Variants in CEP63 observed in about 807,000 individuals in gnomAD.
The protein encoded by CEP63 is centrosomal protein of 63 kDa.
Under a neutral mutation model 89.1 loss-of-function variants are expected in CEP63, and 84 were observed. The observed-to-expected ratio is 0.94, with a 90% CI of 0.79 to 1.13. The LOEUF (loss-of-function observed/expected upper bound fraction) is 1.13, where lower values mean the gene tolerates loss of function less well. Among genes scored for constraint, CEP63 ranks in the 50% most tolerant of loss-of-function variants. The pLI is 0.00. For missense variants in CEP63, 838 were observed against 813.3 expected (o/e 1.03, Z -0.37); for synonymous variants, 267 against 272.5 (o/e 0.98, Z 0.20).
chr3:134,567,152 CAA>C (rs57656773), downstream of CEP63, among the ~76,000 whole-genome samples: 1 of 141,408 alleles, frequency 7.1e-6, no homozygotes. Context: ...AGGAAGAAAG[CAA>C]AAAAAAAAAA....
chr3:134,619,128 G>A, the CEP63 span: 1 of 1,590,544 alleles, frequency 6.3e-7, no homozygotes, highest in Non-Finnish European at 8.6e-7. Context: ...GGTCAGCATG[G>A]GGACTCCTGT....
the CEP63 span, among the ~76,000 whole-genome samples, chr3:134,642,103 G>A: frequency 1.2e-4 from 18 of 152,254 alleles, no homozygotes; most frequent in African/African-American, 4.3e-4. Flanking sequence ...TGGCTTAAAG[G>A]GACACTGGCC....
At position 134,563,209 on chromosome 3, in the gene CEP63, C is replaced by G. The variant is rs559607867; in HGVS notation, c.*1674C>G. The G allele has an allele frequency of 7.2e-5, 11 of 152,416 alleles. No individual in the cohort carries two copies. Among genetic ancestry groups the G allele is most frequent in the African/African-American group, 2.4e-4 (10 of 41,550 alleles). The allele number at this position is 152,416 out of a possible 1,614,324, so 9.4% of individuals were successfully genotyped here. On this transcript the variant is annotated 3_prime_UTR_variant, in exon 15 of 15. Transcript: ENST00000675561. ...TATCCAGTCATTTGGGAGGTCCTGT[C>G]ATTTCTTCCCCCAGAATCTTATCTC... is the stretch of plus-strand genomic sequence containing the variant.
chr3:134,631,658 T>C, the CEP63 span, among the ~76,000 whole-genome samples: 3 of 152,140 alleles, frequency 2.0e-5, no homozygotes, highest in Non-Finnish European at 4.4e-5. Context: ...ATATTCATTG[T>C]AATAGATTAT....
At chr3:134,504,706 G>GC (rs75251468) in intron 2 of CEP63, among the ~76,000 whole-genome samples, 101,014 of 151,564 alleles carry the variant, frequency 0.67, 34,023 homozygotes, top group East Asian at 0.82. Context: ...CTGTACCTAT[G>GC]CCATCTTTTC....
chr3:134,526,194 A>C (rs1948609451), intron 3 of CEP63, among the ~76,000 whole-genome samples: 1 of 151,878 alleles, frequency 6.6e-6, no homozygotes, highest in Non-Finnish European at 1.5e-5. Flanking sequence ...TCAAGCTCTG[A>C]GATTCTTTCC....
At chr3:134,501,763 A>G (rs1942063040) in intron 2 of CEP63, among the ~76,000 whole-genome samples, 1 of 152,216 alleles carries the variant, frequency 6.6e-6, no homozygotes, top group Non-Finnish European at 1.5e-5. Flanking sequence ...AAAGAATCAT[A>G]TCATCAGCAA....
the CEP63 span, among the ~76,000 whole-genome samples, chr3:134,769,680 C>G: frequency 4.9e-4 from 75 of 152,320 alleles, no homozygotes; most frequent in African/African-American, 1.8e-3. Flanking sequence ...ATTGGAGTAA[C>G]CCCAAGGCCT....
chr3:134,744,364 A>G, the CEP63 span, among the ~76,000 whole-genome samples: 1 of 152,186 alleles, frequency 6.6e-6, no homozygotes, highest in Non-Finnish European at 1.5e-5. Context: ...ACACCTTTAG[A>G]TTCTCAGAAG....
chr3:134,561,750 A>G lies in CEP63; in HGVS notation c.*215A>G. ...CTTCTTCCAGCAATAAGTTGAAAGA[A>G]TAAACCACTTTGCTAGACTTTTTTC... On this transcript the variant is annotated 3_prime_UTR_variant, in exon 15 of 15. Transcript: ENST00000675561. 1.5e-6 allele frequency: 2 copies of G among 1,374,936 alleles called. No individual in the cohort carries two copies. Among genetic ancestry groups the G allele is most frequent in the Non-Finnish European group, 1.9e-6 (2 of 1,066,632 alleles). The allele number at this position is 1,374,936 out of a possible 1,614,324, so 85.2% of individuals were successfully genotyped here.
At chr3:134,627,735 C>G in the CEP63 span, 1 of 1,611,382 alleles carries the variant, frequency 6.2e-7, no homozygotes, top group Admixed American at 1.7e-5. Flanking sequence ...GAGAATTGTC[C>G]TGGAAGACTC....
chr3:134,725,174 G>A, the CEP63 span, among the ~76,000 whole-genome samples: 20 of 152,040 alleles, frequency 1.3e-4, no homozygotes, highest in African/African-American at 3.9e-4. Context: ...CAACCTATAC[G>A]AATTTGTCAT....
At chr3:134,571,059 C>G (rs1427987740) in intron 11 of CEP63, among the ~76,000 whole-genome samples, 2 of 152,234 alleles carry the variant, frequency 1.3e-5, no homozygotes, top group Non-Finnish European at 2.9e-5. Context: ...CCCACTGGGT[C>G]CCTCCCACAA....
At chr3:134,518,184 A>T (rs1452893780) in intron 3 of CEP63, among the ~76,000 whole-genome samples, 1 of 152,202 alleles carries the variant, frequency 6.6e-6, no homozygotes, top group Non-Finnish European at 1.5e-5. Context: ...ATCAAGGGAA[A>T]AATTAAGTAC....
At chr3:134,690,743 A>ATTTTTTTTTTTTTTTTTT in the CEP63 span, among the ~76,000 whole-genome samples, 75 of 120,768 alleles carry the variant, frequency 6.2e-4, 2 homozygotes, top group African/African-American at 2.2e-3. Context: ...GAAGACCAAG[A>ATTTTTTTTTTTTTTTTTT]TTTTTTTTTT....
intron 11 of CEP63, among the ~76,000 whole-genome samples, chr3:134,572,288 C>G (rs560696531): frequency 8.5e-5 from 13 of 152,172 alleles, no homozygotes; most frequent in African/African-American, 2.6e-4. Flanking sequence ...TCAGGGGGTG[C>G]ACGTGCAGGT....
chr3:134,561,982 A>G lies in CEP63; in HGVS notation c.*447A>G, dbSNP rs547365563. The G allele has an allele frequency of 4.0e-5, 41 of 1,018,602 alleles. No homozygotes were observed. The African/African-American group carries it at 6.2e-4, about 16-fold the overall frequency. The allele number at this position is 1,018,602 out of a possible 1,614,324, so 63.1% of individuals were successfully genotyped here. ...GACTGGTTTTGCCACTTACCAGCCA[A>G]CGGGGCTTGTTATTTACTGGGCTGG... On this transcript the variant is annotated 3_prime_UTR_variant, in exon 15 of 15. Transcript: ENST00000675561.
the CEP63 span, among the ~76,000 whole-genome samples, chr3:134,703,021 T>C: frequency 6.6e-6 from 1 of 151,996 alleles, no homozygotes; most frequent in African/African-American, 2.4e-5. Context: ...TGTGGCCGAG[T>C]GCGGTCACTC....
intron 6 of CEP63, 62 bp from the exon 7 acceptor site, chr3:134,545,524 C>T (rs1340388047): frequency 8.7e-7 from 1 of 1,148,922 alleles, no homozygotes; most frequent in African/African-American, 1.5e-5. Context: ...TCATTTTAGT[C>T]TTATTCATTG....
Sources: allele counts gnomAD v4.1 joint callset (sites outside exome capture counted in the v4.1 genomes callset), GRCh38; gene constraint gnomAD v4.1.1; transcripts MANE v1.5; gene names NCBI Gene and HGNC (gene_info 2026-07-23, HGNC 2026-07-21).